Variants in DISC1 observed in about 807,000 individuals in gnomAD.
DISC1 encodes disrupted in schizophrenia 1 protein.
In DISC1, 57 loss-of-function variants were observed where a neutral mutation model predicts 84.5. The ratio of observed to expected loss-of-function variants is 0.67; its 90% CI spans 0.55 to 0.84. The LOEUF is 0.84. Ranked by LOEUF, DISC1 falls within the 40% of genes least tolerant of loss-of-function variation. DISC1 has a pLI of 0.00. For missense variants in DISC1, 1,000 were observed against 1,057.8 expected (o/e 0.95, Z 0.76); for synonymous variants, 411 against 415.2 (o/e 0.99, Z 0.12).
chr1:231,726,305 A>T (rs145223438), intron 3 of DISC1, among the ~76,000 whole-genome samples: 1 of 152,270 alleles, frequency 6.6e-6, no homozygotes, highest in East Asian at 1.9e-4. Context: ...CTAATACCAA[A>T]CCCCAGAACA....
At chr1:231,690,833 T>C (rs1442561604) in intron 1 of DISC1, among the ~76,000 whole-genome samples, 3 of 152,168 alleles carry the variant, frequency 2.0e-5, no homozygotes, top group African/African-American at 7.2e-5. Context: ...TTAGGATTCA[T>C]AGTGTGTGAC....
chr1:231,752,978 ACCTTGGGCAG>A (rs1168568792), intron 4 of DISC1, among the ~76,000 whole-genome samples: 1 of 152,172 alleles, frequency 6.6e-6, no homozygotes, highest in African/African-American at 2.4e-5. Flanking sequence ...GGCTCCCATA[ACCTTGGGCAG>A]CCCTGCCCTT....
intron 11 of DISC1, among the ~76,000 whole-genome samples, chr1:232,011,002 C>G (rs981478142): frequency 1.2e-4 from 18 of 152,250 alleles, no homozygotes; most frequent in Middle Eastern, 6.8e-3. Context: ...TCTGCTGTTC[C>G]TCAAATGCCA....
chr1:232,021,893 C>T (rs1572663247), intron 11 of DISC1, among the ~76,000 whole-genome samples: 1 of 152,156 alleles, frequency 6.6e-6, no homozygotes, highest in East Asian at 1.9e-4. Context: ...TTCAGTCCTT[C>T]CCAAGTCTGG....
intron 10 of DISC1, among the ~76,000 whole-genome samples, chr1:232,008,127 C>A (rs1667688105): frequency 6.6e-6 from 1 of 152,116 alleles, no homozygotes; most frequent in East Asian, 1.9e-4. Context: ...TTGGGCAGTT[C>A]TTTTTAGCAG....
intron 10 of DISC1, among the ~76,000 whole-genome samples, chr1:231,969,842 A>G (rs1661691042): frequency 6.6e-6 from 1 of 151,910 alleles, no homozygotes; most frequent in Non-Finnish European, 1.5e-5. Context: ...GAGTGAGAAC[A>G]TACCATGTTT....
intron 9 of DISC1, among the ~76,000 whole-genome samples, chr1:231,861,151 C>T (rs1274878872): frequency 6.6e-6 from 1 of 152,022 alleles, no homozygotes; most frequent in South Asian, 2.1e-4. Flanking sequence ...GTGATGGTGC[C>T]GTTGTATGAA....
intron 10 of DISC1, among the ~76,000 whole-genome samples, chr1:231,975,920 C>T (rs1190563121): frequency 6.6e-6 from 1 of 152,200 alleles, no homozygotes; most frequent in Non-Finnish European, 1.5e-5. Context: ...CTGACTTAAC[C>T]ACTAGGCAAT....
chr1:232,014,835 T>C (rs1418735206), intron 11 of DISC1, among the ~76,000 whole-genome samples: 9 of 152,230 alleles, frequency 5.9e-5, no homozygotes, highest in African/African-American at 1.7e-4. Flanking sequence ...TTAAATGTTA[T>C]TGAATCTTTC....
At chr1:231,685,575 C>T (rs1033151101) in intron 1 of DISC1, among the ~76,000 whole-genome samples, 5 of 152,174 alleles carry the variant, frequency 3.3e-5, no homozygotes, top group African/African-American at 1.2e-4. Flanking sequence ...GCCTCAGCCT[C>T]CCGAGTAGCT....
chr1:231,980,385 A>C (rs1363322296), intron 10 of DISC1, among the ~76,000 whole-genome samples: 1 of 152,172 alleles, frequency 6.6e-6, no homozygotes, highest in Non-Finnish European at 1.5e-5. Context: ...AATCCTCTTT[A>C]GATTTTAGAT....
At chr1:231,642,010 G>T (rs1022034152) in intron 1 of DISC1, among the ~76,000 whole-genome samples, 1 of 152,220 alleles carries the variant, frequency 6.6e-6, no homozygotes, top group South Asian at 2.1e-4. Flanking sequence ...GGCGGCGCTT[G>T]TCGGGGAGGC....
chr1:231,974,762 A>G lies in DISC1; in HGVS notation c.2042+15874A>G, dbSNP rs202034671. On this transcript the variant is annotated intron_variant, in intron 10 of 12. Coordinates refer to ENST00000439617, the MANE Select transcript of DISC1 (RefSeq NM_018662.3). ...AAAGGAATCAATAATACCAATCTAT[A>G]TAGTAATTTTCTTCAAGAAATTCAA... Among the ~76,000 whole-genome samples the G allele has an allele frequency of 4.0e-4, 61 of 152,354 alleles. No homozygotes were observed. In the South Asian group the frequency reaches 0.012, roughly 30 times the overall value.
chr1:231,765,356 G>A (rs894858653), intron 4 of DISC1, among the ~76,000 whole-genome samples: 3 of 152,158 alleles, frequency 2.0e-5, no homozygotes, highest in Non-Finnish European at 4.4e-5. Flanking sequence ...TGGAACTACA[G>A]GTGTGCATCA....
intron 9 of DISC1, among the ~76,000 whole-genome samples, chr1:231,958,438 G>T (rs1262558461): frequency 6.6e-6 from 1 of 152,180 alleles, no homozygotes; most frequent in African/African-American, 2.4e-5. Flanking sequence ...TTCATCTGTA[G>T]GATGGGAATC....
At chr1:231,845,132 G>T (rs1215159986) in intron 9 of DISC1, among the ~76,000 whole-genome samples, 1 of 152,068 alleles carries the variant, frequency 6.6e-6, no homozygotes, top group Admixed American at 6.5e-5. Flanking sequence ...GTTATATTGA[G>T]GCATGTTCAA....
chr1:231,716,100 T>A (rs1048334966), intron 3 of DISC1, among the ~76,000 whole-genome samples: 3 of 152,160 alleles, frequency 2.0e-5, no homozygotes, highest in Non-Finnish European at 4.4e-5. Flanking sequence ...TATTGAAGAA[T>A]TATTTGCTGC....
intron 10 of DISC1, among the ~76,000 whole-genome samples, chr1:231,974,779 G>A (rs1015937104): frequency 3.0e-4 from 45 of 152,146 alleles, no homozygotes; most frequent in African/African-American, 1.0e-3. Flanking sequence ...TTTTCTTCAA[G>A]AAATTCAAAA....
At chr1:231,676,961 G>A (rs1300760744) in intron 1 of DISC1, among the ~76,000 whole-genome samples, 1 of 152,236 alleles carries the variant, frequency 6.6e-6, no homozygotes, top group Non-Finnish European at 1.5e-5. Context: ...CTGATTTTGA[G>A]TGTTTAGAGT....
Sources: allele counts gnomAD v4.1 joint callset (sites outside exome capture counted in the v4.1 genomes callset), GRCh38; gene constraint gnomAD v4.1.1; transcripts MANE v1.5; gene names NCBI Gene and HGNC (gene_info 2026-07-23, HGNC 2026-07-21).